Variants in PDE3B observed in about 807,000 individuals in gnomAD.
PDE3B encodes the protein phosphodiesterase 3B.
PDE3B carries 66 observed loss-of-function variants against 116.8 expected under a neutral mutation model. That is an observed-to-expected ratio of 0.56 (90% CI 0.46 to 0.69). The LOEUF is 0.69. Ranked by LOEUF, PDE3B falls within the 30% of genes least tolerant of loss-of-function variation. The pLI, the probability that PDE3B is intolerant of heterozygous loss-of-function variation, is 0.00. For missense variants in PDE3B, 1,384 were observed against 1,368.1 expected, an observed-to-expected ratio of 1.01 and a Z score of -0.18; for synonymous variants, 595 against 533.6, an observed-to-expected ratio of 1.12 and a Z score of -1.59.
chr11:14,659,471 G>C (rs1435105286), intron 1 of PDE3B, among the ~76,000 whole-genome samples: 1 of 152,124 alleles, frequency 6.6e-6, no homozygotes, highest in East Asian at 1.9e-4. Flanking sequence ...TAAAATACTG[G>C]TCATAATTAT....
intron 1 of PDE3B, among the ~76,000 whole-genome samples, chr11:14,747,321 A>G (rs552067761): frequency 1.3e-5 from 2 of 152,326 alleles, no homozygotes; most frequent in African/African-American, 4.8e-5. Context: ...GTTTTGTTTC[A>G]GAGTGAATGA....
rs375008579 is a variant in PDE3B, at chr11:14,700,407, A to ACAGGAAAAATAAAAAAATTGAGGTATG, written c.978+55355_978+55356insAGGAAAAATAAAAAAATTGAGGTATGC. ...AAGTTGATTTTATTAATGCTGTAAA[A>ACAGGAAAAATAAAAAAATTGAGGTATG]CTGTCAAAAATAAGTATTTAGAAAG... is the stretch of plus-strand genomic sequence containing the variant. On this transcript the variant is annotated intron_variant, in intron 1 of 15. Transcript: ENST00000282096. Among the ~76,000 whole-genome samples, 686 of 151,868 alleles carry ACAGGAAAAATAAAAAAATTGAGGTATG rather than the reference A, an allele frequency of 4.5e-3. 3 individuals are homozygous for ACAGGAAAAATAAAAAAATTGAGGTATG. Among genetic ancestry groups the ACAGGAAAAATAAAAAAATTGAGGTATG allele is most frequent in the African/African-American group, 0.015 (612 of 41,526 alleles).
chr11:14,894,959 C>T, the PDE3B span, among the ~76,000 whole-genome samples: 1 of 152,196 alleles, frequency 6.6e-6, no homozygotes, highest in South Asian at 2.1e-4. Flanking sequence ...AATGGGTGAA[C>T]ACACTGTATA....
chr11:14,674,126 C>T (rs1430304739), intron 1 of PDE3B: 1 of 1,463,956 alleles, frequency 6.8e-7, no homozygotes, highest in Non-Finnish European at 9.6e-7. Context: ...TCATTTTCAA[C>T]AGTAGGATCT....
chr11:14,740,618 C>T (rs1856741394), intron 1 of PDE3B, among the ~76,000 whole-genome samples: 1 of 152,146 alleles, frequency 6.6e-6, no homozygotes, highest in Non-Finnish European at 1.5e-5. Context: ...CTGCTCTGAT[C>T]TTAGTTATTT....
chr11:14,796,619 G>C (rs1858563125), intron 4 of PDE3B, among the ~76,000 whole-genome samples: 1 of 152,220 alleles, frequency 6.6e-6, no homozygotes, highest in African/African-American at 2.4e-5. Context: ...GTAAGGACCA[G>C]TGATAATGAT....
chr11:14,778,450 G>A (rs1022706129), intron 2 of PDE3B, among the ~76,000 whole-genome samples: 10 of 152,098 alleles, frequency 6.6e-5, no homozygotes, highest in African/African-American at 2.2e-4. Flanking sequence ...ACGGCCGGGC[G>A]CCCCTCTGAG....
intron 4 of PDE3B, among the ~76,000 whole-genome samples, chr11:14,800,066 C>G (rs1173998747): frequency 1.3e-5 from 2 of 152,112 alleles, no homozygotes; most frequent in African/African-American, 4.8e-5. Flanking sequence ...GTGGCTGGTA[C>G]TGGTTGTTCC....
the PDE3B span, among the ~76,000 whole-genome samples, chr11:14,881,115 A>G: frequency 6.6e-6 from 1 of 152,138 alleles, no homozygotes; most frequent in African/African-American, 2.4e-5. Context: ...CACATGTTCA[A>G]TGGACAAAGT....
chr11:14,830,967 T>C, intron 8 of PDE3B, 121 bp downstream of exon 8: 1 of 502,130 alleles, frequency 2.0e-6, no homozygotes. Flanking sequence ...ATTTTTTTAC[T>C]TATAAGTCAC....
intron 5 of PDE3B, among the ~76,000 whole-genome samples, chr11:14,804,957 A>G (rs868844674): frequency 1.9e-4 from 29 of 152,156 alleles, no homozygotes; most frequent in African/African-American, 6.3e-4. Context: ...ACAGAGAAAT[A>G]GAAAATACCC....
intron 12 of PDE3B, among the ~76,000 whole-genome samples, chr11:14,851,846 A>C (rs1238298599): frequency 6.6e-6 from 1 of 152,172 alleles, no homozygotes; most frequent in Non-Finnish European, 1.5e-5. Flanking sequence ...CGAGATTAAA[A>C]GTCCTGTCTT....
chr11:14,693,590 A>G (rs1288089696), intron 1 of PDE3B, among the ~76,000 whole-genome samples: 1 of 152,196 alleles, frequency 6.6e-6, no homozygotes, highest in African/African-American at 2.4e-5. Flanking sequence ...AGCCTAGATG[A>G]CAGCACATCT....
At chr11:14,655,683 G>A (rs1287218289) in intron 1 of PDE3B, among the ~76,000 whole-genome samples, 3 of 152,126 alleles carry the variant, frequency 2.0e-5, no homozygotes, top group Non-Finnish European at 4.4e-5. Flanking sequence ...TCAGTTTTTC[G>A]GGGGAGTGTA....
chr11:14,834,900 G>T, intron 10 of PDE3B, 82 bp from the exon 11 acceptor site: 1 of 621,372 alleles, frequency 1.6e-6, no homozygotes, highest in Non-Finnish European at 2.8e-6. Flanking sequence ...TTTTTTATGA[G>T]GATATAGTAT....
chr11:14,823,311 T>A (rs1288848330), intron 7 of PDE3B, among the ~76,000 whole-genome samples: 4 of 152,152 alleles, frequency 2.6e-5, no homozygotes, highest in African/African-American at 9.7e-5. Context: ...GGCAGAATCC[T>A]GTGACCAAGG....
chr11:14,846,897 T>C (rs1022162592), intron 12 of PDE3B, among the ~76,000 whole-genome samples: 7 of 152,274 alleles, frequency 4.6e-5, no homozygotes, highest in African/African-American at 1.7e-4. Context: ...AATGGGGGAC[T>C]TTAACACCCC....
At chr11:14,814,047 T>G (rs1257105479) in intron 5 of PDE3B, among the ~76,000 whole-genome samples, 1 of 152,202 alleles carries the variant, frequency 6.6e-6, no homozygotes, top group Non-Finnish European at 1.5e-5. Flanking sequence ...TTTTCATGTA[T>G]GTTCATTTGA....
At chr11:14,873,037 ACAAT>A (rs1198140671), downstream of PDE3B, among the ~76,000 whole-genome samples, 1 of 152,192 alleles carries the variant, frequency 6.6e-6, no homozygotes. Flanking sequence ...TAAATGCCAC[ACAAT>A]CAAACTGAAA....
Sources: allele counts gnomAD v4.1 joint callset (sites outside exome capture counted in the v4.1 genomes callset), GRCh38; gene constraint gnomAD v4.1.1; transcripts MANE v1.5; gene names NCBI Gene and HGNC (gene_info 2026-07-23, HGNC 2026-07-21).